Variants in PIK3CG observed in about 807,000 individuals in gnomAD.
PIK3CG encodes phosphatidylinositol 4,5-bisphosphate 3-kinase catalytic subunit gamma isoform.
In PIK3CG, 55 loss-of-function variants were observed where a neutral mutation model predicts 102.3. The ratio of observed to expected loss-of-function variants is 0.54; its 90% CI spans 0.43 to 0.67. PIK3CG has a LOEUF of 0.67. PIK3CG is among the 30% of genes least tolerant of loss of function. The pLI, the probability that PIK3CG is intolerant of heterozygous loss-of-function variation, is 0.00. For synonymous variants in PIK3CG, 552 were observed against 540.0 expected (o/e 1.02, Z -0.31); for missense variants, 1,258 against 1,391.8 (o/e 0.90, Z 1.53).
rs2116561923 is a variant in PIK3CG at position 106,886,235 on chromosome 7, C to T, written c.2973C>T (p.Phe991=). The change falls in exon 10 of 11, where the codon TTC becomes TTT. Residue 991 remains phenylalanine, a synonymous_variant. Transcript: ENST00000496166. The part of the protein sequence containing the change: ...ERVPFVLTPD[F]LFVMGTSGKK... ...TGCCATTTGTGCTAACCCCTGACTT[C>T]CTCTTTGTGATGGGAACTTCTGGAA... 6.2e-7 allele frequency: 1 copy of T among 1,614,172 alleles called. No individual in the cohort carries two copies. Among genetic ancestry groups the T allele is most frequent in the Non-Finnish European group, 8.5e-7 (1 of 1,180,004 alleles).
intron 1 of PIK3CG, among the ~76,000 whole-genome samples, chr7:106,866,546 T>A (rs1338708784): frequency 6.6e-5 from 10 of 152,190 alleles, no homozygotes; most frequent in Admixed American, 6.5e-4. Context: ...TAACAGAAGG[T>A]CACTGGAGTC....
rs575496640 is a variant in PIK3CG at position 106,876,640 on chromosome 7, A to G, written c.2391+1837A>G. Among the ~76,000 whole-genome samples, 83 of 150,286 alleles carry G rather than the reference A, an allele frequency of 5.5e-4. No homozygotes were observed. In the Middle Eastern group the frequency reaches 0.01, roughly 19 times the overall value. On this transcript the variant is annotated intron_variant, in intron 5 of 10. Coordinates refer to ENST00000496166, the MANE Select transcript of PIK3CG (RefSeq NM_001282426.2). ...ATGGTCTCAATCTCCTGACCTCGTG[A>G]TCCACCTGCCTCGGCCTCCCAAAGT... is the stretch of plus-strand genomic sequence containing the variant.
Position 106,905,528 on chromosome 7 carries a change from T to G in PIK3CG, c.*141T>G, listed in dbSNP as rs1165010774. The G allele has an allele frequency of 1.4e-6, 1 of 727,528 alleles. No individual in the cohort carries two copies. Among genetic ancestry groups the G allele is most frequent in the Non-Finnish European group, 2.2e-6 (1 of 448,026 alleles). 45.1% of individuals were successfully genotyped at this position (727,528 alleles called of 1,614,324 possible). A position where few individuals can be genotyped will look rare whatever the true frequency, so the allele number is the denominator to read the frequency against. Reference sequence around the variant, plus strand: ...ATAGCTCTTTTCCTACCTGAACTCTTCCCTGGAGAAAAGATGTTGGCATTG... The same window carrying G: ...ATAGCTCTTTTCCTACCTGAACTCTGCCCTGGAGAAAAGATGTTGGCATTG... On this transcript the variant is annotated 3_prime_UTR_variant, in exon 11 of 11. Coordinates refer to ENST00000496166, the MANE Select transcript of PIK3CG (RefSeq NM_001282426.2). The surrounding 1 kb of genome is among the most constrained non-coding windows in gnomAD (Gnocchi z 5.6).
rs1790638040 is a variant in PIK3CG at position 106,874,157 on chromosome 7, C to T, written c.2288-543C>T. The stretch of plus-strand genomic sequence containing the variant: ...AAAGGAAAACATTTGTACTGACCCT[C>T]ATTCTGTCAGTCATCCAGTAATTTT... On this transcript the variant is annotated intron_variant, in intron 4 of 10. Coordinates refer to ENST00000496166, the MANE Select transcript of PIK3CG (RefSeq NM_001282426.2). The surrounding 1 kb of genome is among the most constrained non-coding windows in gnomAD (Gnocchi z 4.3). Among the ~76,000 whole-genome samples, 1 of 152,186 alleles carries T rather than the reference C, an allele frequency of 6.6e-6. No homozygotes were observed. The highest frequency in any genetic ancestry group is 2.4e-5 in the African/African-American group (1 of 41,438).
Position 106,874,108 on chromosome 7 carries a change from A to G in PIK3CG, c.2288-592A>G, listed in dbSNP as rs1790636310. The stretch of plus-strand genomic sequence containing the variant: ...CCTCCTAAAAATGATGATGGTAATA[A>G]TAATATTTTATTTGCATTTTAAGAA... On this transcript the variant is annotated intron_variant, in intron 4 of 10. Transcript: ENST00000496166. The surrounding 1 kb of genome is among the most constrained non-coding windows in gnomAD (Gnocchi z 4.3). Among the ~76,000 whole-genome samples, 1 of 152,128 alleles carries G rather than the reference A, an allele frequency of 6.6e-6. No individual in the cohort carries two copies. The highest frequency in any genetic ancestry group is 6.5e-5 in the Admixed American group (1 of 15,274).
At position 106,879,051 on chromosome 7, in the gene PIK3CG, T is replaced by A. The variant is rs1025888978; in HGVS notation, c.2392-468T>A. ...AAATGCCAGATTTTCCATTTATTTC[T>A]GTTAAATTTCATCTGCTTAGATGTA... On this transcript the variant is annotated intron_variant, in intron 5 of 10. Coordinates refer to ENST00000496166, the MANE Select transcript of PIK3CG (RefSeq NM_001282426.2). This position sits in a 1 kb window ranked among gnomAD's most constrained non-coding sequence, Gnocchi z 4.9. Among the ~76,000 whole-genome samples, 3 of 152,246 alleles carry A rather than the reference T, an allele frequency of 2.0e-5. No homozygotes were observed. The highest frequency in any genetic ancestry group is 7.2e-5 in the African/African-American group (3 of 41,460).
intron 5 of PIK3CG, among the ~76,000 whole-genome samples, chr7:106,875,912 T>TTG (rs2116505505): frequency 7.6e-6 from 1 of 131,818 alleles, no homozygotes; most frequent in African/African-American, 2.9e-5. Flanking sequence ...TTTTTTTGTT[T>TTG]TTTTTTTTTT....
At chr7:106,871,669 A>ATTGT (rs1790532867) in intron 2 of PIK3CG, among the ~76,000 whole-genome samples, 1 of 19,126 alleles carries the variant, frequency 5.2e-5, no homozygotes, top group Admixed American at 7.4e-4. Context: ...TAATCTGAAC[A>ATTGT]ATGTTAGTGT....
chr7:106,900,095 G>T (rs1403295580), intron 10 of PIK3CG, among the ~76,000 whole-genome samples: 2 of 152,090 alleles, frequency 1.3e-5, no homozygotes, highest in Non-Finnish European at 2.9e-5. Context: ...GGGTGTATGT[G>T]TCCAGGAATG....
At position 106,872,500 on chromosome 7, in the gene PIK3CG, G is replaced by A. The variant is rs748073871; in HGVS notation, c.1996-37G>A. On this transcript the variant is annotated intron_variant, in intron 2 of 10. Transcript: ENST00000496166. This position sits in a 1 kb window ranked among gnomAD's most constrained non-coding sequence, Gnocchi z 5.3. ...CTTTTCCCTGATTCAACGACATAGAGTACAGTCCTACAAATGCCAATGTGT... is the reference window on the plus strand; with the variant it reads ...CTTTTCCCTGATTCAACGACATAGAATACAGTCCTACAAATGCCAATGTGT... The A allele has an allele frequency of 2.6e-6, 4 of 1,527,176 alleles. No individual in the cohort carries two copies. Among genetic ancestry groups the A allele is most frequent in the East Asian group, 2.2e-5 (1 of 44,474 alleles). 94.6% of individuals were successfully genotyped at this position (1,527,176 alleles called of 1,614,324 possible).
intron 4 of PIK3CG, 146 bp downstream of exon 4, chr7:106,873,084 G>A (rs1193988879): frequency 1.6e-6 from 1 of 615,840 alleles, no homozygotes; most frequent in African/African-American, 1.9e-5. Context: ...CTGTCTGCAT[G>A]GAGTAAACAA....
rs980472893 is a variant in PIK3CG, at chr7:106,907,767, CAT to C, written c.*2387_*2388del. ...CATATATATGCTAATATATATATAA[CAT>C]ATATATGCTAATATATATATATCAC... On this transcript the variant is annotated 3_prime_UTR_variant, in exon 11 of 11. Coordinates refer to ENST00000496166, the MANE Select transcript of PIK3CG (RefSeq NM_001282426.2). 6.1e-5 allele frequency among the ~76,000 whole-genome samples: 9 copies of C among 146,742 alleles called. No homozygotes were observed. The highest frequency in any genetic ancestry group is 4.3e-4 in the South Asian group (2 of 4,702).
At position 106,884,691 on chromosome 7, in the gene PIK3CG, C is replaced by T. The variant is rs963069918; in HGVS notation, c.2872+425C>T. 1.3e-5 allele frequency among the ~76,000 whole-genome samples: 2 copies of T among 152,162 alleles called. No individual in the cohort carries two copies. The highest frequency in any genetic ancestry group is 2.9e-5 in the Non-Finnish European group (2 of 68,024). On this transcript the variant is annotated intron_variant, in intron 9 of 10. Coordinates refer to ENST00000496166, the MANE Select transcript of PIK3CG (RefSeq NM_001282426.2). This position sits in a 1 kb window ranked among gnomAD's most constrained non-coding sequence, Gnocchi z 4.2. ...GTTTCAGGATCATTCAAGAGCATTA[C>T]GTTTATTGCACACTTTTTTTTCAAC... is the stretch of plus-strand genomic sequence containing the variant.
rs984768033 is a variant in PIK3CG, at chr7:106,895,003, T to C, written c.3030+8711T>C. ...TTCTTTCTGTTAGTACTAGATGCTA[T>C]AATTAAGGCATTTGAATCAACAATG... On this transcript the variant is annotated intron_variant, in intron 10 of 10. Transcript: ENST00000496166. The surrounding 1 kb of genome is among the most constrained non-coding windows in gnomAD (Gnocchi z 5.4). 6.6e-6 allele frequency among the ~76,000 whole-genome samples: 1 copy of C among 152,244 alleles called. No homozygotes were observed. Among genetic ancestry groups the C allele is most frequent in the Non-Finnish European group, 1.5e-5 (1 of 68,040 alleles).
rs2116445537 is a variant in PIK3CG, at chr7:106,868,631, G to A, written c.1070G>A (p.Cys357Tyr). 1 of 1,614,198 alleles carries A rather than the reference G, an allele frequency of 6.2e-7. No homozygotes were observed. Among genetic ancestry groups the A allele is most frequent in the Non-Finnish European group, 8.5e-7 (1 of 1,180,036 alleles). The change falls in exon 2 of 11, where the codon TGC becomes TAC. Residue 357 changes from cysteine to tyrosine, a missense_variant. By Grantham distance (194) the Cys-to-Tyr change is radical (BLOSUM62 -2). Transcript: ENST00000496166. The surrounding 1 kb of genome is among the most constrained non-coding windows in gnomAD (Gnocchi z 6.2). ...GTGTTCACCGTGTCCCTGTGGGACT[G>A]CGACCGCAAGTTCAGGGTCAAGATC... ...ESVFTVSLWDCDRKFRVKIRG... is the reference protein window; with the variant it reads ...ESVFTVSLWDYDRKFRVKIRG...
Position 106,883,025 on chromosome 7 carries a change from T to C in PIK3CG, c.2630-8T>C. On this transcript the variant is annotated splice_region_variant and splice_polypyrimidine_tract_variant and intron_variant, in intron 7 of 10. Coordinates refer to ENST00000496166, the MANE Select transcript of PIK3CG (RefSeq NM_001282426.2). The surrounding 1 kb of genome is among the most constrained non-coding windows in gnomAD (Gnocchi z 5.8). ...AATCTCCATCAGACTCTGTGCATCC[T>C]TCTGTAGGAATGATCGAGATTGTGA... 6.2e-7 allele frequency: 1 copy of C among 1,613,034 alleles called. No individual in the cohort carries two copies. The highest frequency in any genetic ancestry group is 1.1e-5 in the South Asian group (1 of 91,060).
rs1791572298 is a variant in PIK3CG at position 106,902,080 on chromosome 7, C to A, written c.3031-3029C>A. Reference sequence around the variant, plus strand: ...AATCTCAGTGTTTATGTTCCTTTCCCAACTTGGAGGCAGCAGAGGAAGGGA... The same window carrying A: ...AATCTCAGTGTTTATGTTCCTTTCCAAACTTGGAGGCAGCAGAGGAAGGGA... On this transcript the variant is annotated intron_variant, in intron 10 of 10. Coordinates refer to ENST00000496166, the MANE Select transcript of PIK3CG (RefSeq NM_001282426.2). The surrounding 1 kb of genome is among the most constrained non-coding windows in gnomAD (Gnocchi z 4.3). 6.6e-6 allele frequency among the ~76,000 whole-genome samples: 1 copy of A among 152,166 alleles called. No homozygotes were observed. Among genetic ancestry groups the A allele is most frequent in the South Asian group, 2.1e-4 (1 of 4,824 alleles).
In PIK3CG at chr7:106,882,142, G is replaced by T. The variant is rs2116537374; in HGVS notation, c.2564G>T (p.Trp855Leu). 1.3e-6 allele frequency: 2 copies of T among 1,567,056 alleles called. No homozygotes were observed. Among genetic ancestry groups the T allele is most frequent in the South Asian group, 1.2e-5 (1 of 83,788 alleles). ...LQILRIMESIWETESLDLCLL... is the reference protein window; with the variant it reads ...LQILRIMESILETESLDLCLL... The stretch of plus-strand genomic sequence containing the variant: ...ATTCTACGAATCATGGAGTCTATTT[G>T]GGAGACTGAATCTTTGGATCTATGC... The change falls in exon 7 of 11, where the codon TGG becomes TTG. Residue 855 changes from tryptophan (W) to leucine (L), a missense_variant. Trp to Leu is a moderately conservative substitution (Grantham distance 61). This residue lies in a region of PIK3CG where 426 missense variants were observed against 604.2 expected (regional missense o/e 0.71). Coordinates refer to ENST00000496166, the MANE Select transcript of PIK3CG (RefSeq NM_001282426.2).
rs2116538207 is a variant in PIK3CG, at chr7:106,882,182, T to C, written c.2604T>C (p.Gly868=). Residue 868 remains glycine, a synonymous_variant, in exon 7 of 11, where the codon GGT becomes GGC. Transcript: ENST00000496166. ...TGGATCTATGCCTCCTGCCATATGG[T>C]TGCATTTCAACTGGTGACAAAATAG... The part of the protein sequence containing the change: ...ESLDLCLLPY[G]CISTGDKIGM... The C allele has an allele frequency of 6.3e-7, 1 of 1,578,208 alleles. No individual in the cohort carries two copies. Among genetic ancestry groups the C allele is most frequent in the Non-Finnish European group, 8.6e-7 (1 of 1,161,074 alleles).
Sources: allele counts gnomAD v4.1 joint callset (sites outside exome capture counted in the v4.1 genomes callset), GRCh38; gene constraint gnomAD v4.1.1; regional missense constraint gnomAD v4.1.1; non-coding constraint Gnocchi (gnomAD v3.1); transcripts MANE v1.5; gene names NCBI Gene and HGNC (gene_info 2026-07-23, HGNC 2026-07-21).